Variants in GPC4 observed in about 807,000 individuals in gnomAD.
The protein encoded by GPC4 is glypican-4.
Under a neutral mutation model 35.0 loss-of-function variants are expected in GPC4, and 10 were observed. The observed-to-expected ratio is 0.29, with a 90% CI of 0.18 to 0.48. The LOEUF (loss-of-function observed/expected upper bound fraction) is 0.48. Ranked by LOEUF, GPC4 falls within the 20% of genes least tolerant of loss-of-function variation. The probability of loss-of-function intolerance (pLI) is 0.99; values close to 1 mark genes in which losing one functional copy is unlikely to be tolerated. For missense variants in GPC4, 322 were observed against 451.3 expected (o/e 0.71, Z 2.60); for synonymous variants, 167 against 170.2 (o/e 0.98, Z 0.15).
At chrX:133,388,044 T>C (rs186409403) in intron 1 of GPC4, among the ~76,000 whole-genome samples, 5 of 112,244 alleles carry the variant, frequency 4.5e-5, no homozygotes, top group East Asian at 2.8e-4. Flanking sequence ...TTCTATGCCA[T>C]AGATGACAAC....
At chrX:133,414,709 G>T in intron 1 of GPC4, 97 bp downstream of exon 1, 2 of 1,173,965 alleles carry the variant, frequency 1.7e-6, no homozygotes, top group South Asian at 1.9e-5. Context: ...GTGTACCTGC[G>T]TCCGGCGCAG....
Position 133,311,426 on chromosome X carries a change from A to G in GPC4, c.712-3T>C, listed in dbSNP as rs1420378628. 2.5e-6 allele frequency: 3 copies of G among 1,207,475 alleles called. No individual in the cohort carries two copies. Among genetic ancestry groups the G allele is most frequent in the Non-Finnish European group, 3.4e-6 (3 of 893,411 alleles). On this transcript the variant is annotated splice_polypyrimidine_tract_variant and splice_region_variant and intron_variant, in intron 3 of 8. Transcript: ENST00000370828. ...GTACACTGGGCTGTGGGGTTTACCT[A>G]ATGTGTGAAAAGAAAAAAAGACAGT...
At chrX:133,396,441 A>G (rs1042318217) in intron 1 of GPC4, among the ~76,000 whole-genome samples, 3 of 112,223 alleles carry the variant, frequency 2.7e-5, no homozygotes, top group African/African-American at 6.5e-5. Flanking sequence ...ACTCATGCAT[A>G]TAACATGATT....
chrX:133,346,526 T>C (rs889772954), intron 1 of GPC4, among the ~76,000 whole-genome samples: 1 of 110,794 alleles, frequency 9.0e-6, no homozygotes, highest in Non-Finnish European at 1.9e-5. Flanking sequence ...TAAGGAGACA[T>C]GATGAGGAAA....
chrX:133,324,208 T>C lies in GPC4; in HGVS notation c.648A>G (p.Val216=), dbSNP rs781604492. 1 of 1,211,723 alleles carries C rather than the reference T, an allele frequency of 8.3e-7. No homozygotes were observed. The highest frequency in any genetic ancestry group is 1.8e-5 in the South Asian group (1 of 56,940). Reference sequence around the variant, plus strand: ...AGCCTTGAGCGAAAGTACGGGCTGCTACAAAAGCACGAGTAACCTGGAGCT... The same window carrying C: ...AGCCTTGAGCGAAAGTACGGGCTGCCACAAAAGCACGAGTAACCTGGAGCT... The part of the protein sequence containing the change: ...KLKLQVTRAF[V]AARTFAQGLA... Residue 216 remains valine (V), a synonymous_variant, in exon 3 of 9, where the codon GTA becomes GTG. Coordinates refer to ENST00000370828, the MANE Select transcript of GPC4 (RefSeq NM_001448.3).
intron 2 of GPC4, among the ~76,000 whole-genome samples, chrX:133,338,883 T>A (rs1401630969): frequency 9.0e-6 from 1 of 111,153 alleles, no homozygotes; most frequent in Non-Finnish European, 1.9e-5. Context: ...TTTTTTTTTT[T>A]AAAGGGACTT....
chrX:133,304,869 T>C lies in GPC4; in HGVS notation c.1156-8A>G. ...CTCCTTGACATCAGTAACCTAATTA[T>C]GAAACAACAACAACAAAAAAAGATC... On this transcript the variant is annotated splice_region_variant and splice_polypyrimidine_tract_variant and intron_variant, in intron 6 of 8. Coordinates refer to ENST00000370828, the MANE Select transcript of GPC4 (RefSeq NM_001448.3). 8.3e-7 allele frequency: 1 copy of C among 1,208,123 alleles called. No individual in the cohort carries two copies. The highest frequency in any genetic ancestry group is 1.1e-6 in the Non-Finnish European group (1 of 892,624).
At chrX:133,389,650 A>G (rs2068710327) in intron 1 of GPC4, among the ~76,000 whole-genome samples, 1 of 111,180 alleles carries the variant, frequency 9.0e-6, no homozygotes, top group South Asian at 3.9e-4. Flanking sequence ...CTATATGTAG[A>G]GTACAGGGAG....
intron 1 of GPC4, among the ~76,000 whole-genome samples, chrX:133,349,521 G>A (rs1365975424): frequency 8.9e-6 from 1 of 112,364 alleles, no homozygotes; most frequent in Non-Finnish European, 1.9e-5. Context: ...TTGGTGAGTG[G>A]GGAGGCTCAC....
chrX:133,316,267 C>A (rs776197399), intron 3 of GPC4, among the ~76,000 whole-genome samples: 1 of 111,972 alleles, frequency 8.9e-6, no homozygotes, highest in African/African-American at 3.2e-5. Flanking sequence ...AGTATTATCT[C>A]ATTTCACAGA....
chrX:133,316,217 G>C (rs921123131), intron 3 of GPC4, among the ~76,000 whole-genome samples: 12 of 111,614 alleles, frequency 1.1e-4, no homozygotes, highest in Non-Finnish European at 2.1e-4. Flanking sequence ...TACTCTACAT[G>C]TATTAACTCA....
chrX:133,306,120 A>G lies in GPC4; in HGVS notation c.912T>C (p.Gly304=), dbSNP rs774959758. The change falls in exon 5 of 9, where the codon GGT becomes GGC. Residue 304 remains glycine (G), a synonymous_variant. Coordinates refer to ENST00000370828, the MANE Select transcript of GPC4 (RefSeq NM_001448.3). ...CCATGACCGATTCAATGTTGAAAGG[A>G]CCCTCTAGCCTCTCTGCCACCATCA... is the stretch of plus-strand genomic sequence containing the variant. ...AMLMVAERLE[G]PFNIESVMDP... is the part of the protein sequence containing the mutation. 1 of 1,210,623 alleles carries G rather than the reference A, an allele frequency of 8.3e-7. No individual in the cohort carries two copies. The highest frequency in any genetic ancestry group is 1.1e-6 in the Non-Finnish European group (1 of 894,888).
At chrX:133,390,339 C>T (rs1324359817) in intron 1 of GPC4, among the ~76,000 whole-genome samples, 1 of 111,891 alleles carries the variant, frequency 8.9e-6, no homozygotes, top group Non-Finnish European at 1.9e-5. Context: ...CAAATGGGAA[C>T]ATAGTAACAC....
intron 1 of GPC4, among the ~76,000 whole-genome samples, chrX:133,413,923 A>T (rs908647305): frequency 3.8e-4 from 41 of 107,348 alleles, no homozygotes; most frequent in African/African-American, 1.4e-3. Context: ...ATCCCACCCC[A>T]CCGGCGCCAA....
chrX:133,344,777 G>A lies in GPC4; in HGVS notation c.161-5436C>T, dbSNP rs757695348. Among the ~76,000 whole-genome samples, 4 of 112,210 alleles carry A rather than the reference G, an allele frequency of 3.6e-5. No homozygotes were observed. In the South Asian group the frequency reaches 1.5e-3, roughly 42 times the overall value. On this transcript the variant is annotated intron_variant, in intron 1 of 8. Transcript: ENST00000370828. ...GGAGAAAACAGAGCCAGAAAACATT[G>A]CAAGACACTGGTAGAGAACCCAGGC...
intron 2 of GPC4, among the ~76,000 whole-genome samples, chrX:133,332,981 C>T (rs911965920): frequency 8.9e-6 from 1 of 112,380 alleles, no homozygotes; most frequent in Non-Finnish European, 1.9e-5. Context: ...ACCATCCTTG[C>T]TGTTAGAGTC....
intron 3 of GPC4, among the ~76,000 whole-genome samples, chrX:133,321,373 C>T (rs2068363913): frequency 8.9e-6 from 1 of 112,343 alleles, no homozygotes; most frequent in Non-Finnish European, 1.9e-5. Context: ...TCTAAAATAG[C>T]TCCAACCTTG....
intron 1 of GPC4, among the ~76,000 whole-genome samples, chrX:133,342,021 GT>G (rs1427281536): frequency 1.0e-5 from 1 of 99,073 alleles, no homozygotes; most frequent in African/African-American, 3.7e-5. Flanking sequence ...GCACGTCTTT[GT>G]TTTGGCACTA....
intron 2 of GPC4, among the ~76,000 whole-genome samples, chrX:133,332,282 C>T (rs2068424029): frequency 8.9e-6 from 1 of 111,763 alleles, no homozygotes; most frequent in African/African-American, 3.3e-5. Context: ...AAATTTCCTT[C>T]CTCCCTTTTT....
Sources: allele counts gnomAD v4.1 joint callset (sites outside exome capture counted in the v4.1 genomes callset), GRCh38; gene constraint gnomAD v4.1.1; transcripts MANE v1.5; gene names NCBI Gene and HGNC (gene_info 2026-07-23, HGNC 2026-07-21).